The following DYNC1H1 variants were observed in gnomAD, a reference collection of about 807,000 sequenced individuals.
DYNC1H1 encodes the protein dynein cytoplasmic 1 heavy chain 1.
In DYNC1H1, 51 loss-of-function variants were observed where a neutral mutation model predicts 527.1. The ratio of observed to expected loss-of-function variants is 0.10; its 90% confidence interval spans 0.08 to 0.12. The LOEUF is 0.12. Ranked by LOEUF, DYNC1H1 falls within the 10% of genes least tolerant of loss-of-function variation. The pLI, the probability that DYNC1H1 is intolerant of heterozygous loss-of-function variation, is 1.00. For missense variants in DYNC1H1, 2,771 were observed against 5,971.8 expected, an observed-to-expected ratio of 0.46 and a Z score of 17.66; for synonymous variants, 2,189 against 2,278.8, an observed-to-expected ratio of 0.96 and a Z score of 1.12.
intron 5 of DYNC1H1, among the ~76,000 whole-genome samples, chr14:101,980,847 A>T (rs1416727231): frequency 6.6e-6 from 1 of 152,216 alleles, no homozygotes; most frequent in Non-Finnish European, 1.5e-5. Context: ...CATCTCCACG[A>T]GTCGGCTGTA....
Position 101,964,708 on chromosome 14 carries a change from G to A in DYNC1H1, c.17G>A (p.Gly6Asp). MSEPG[G>D]GGGEDGSAGL... ...CGCGACACCATGTCGGAGCCCGGGG[G>A]CGGCGGCGGCGAGGACGGCTCGGCC... Residue 6 changes from glycine to aspartate, a missense_variant, in exon 1 of 78, where the codon GGC (glycine) becomes GAC (aspartate). Physicochemically the swap from Gly to Asp is moderately conservative, Grantham distance 94. This residue lies in a region of DYNC1H1 where 101 missense variants were observed against 105.3 expected (regional missense o/e 0.96). Transcript: ENST00000360184. The surrounding 1 kb of genome is among the most constrained non-coding windows in gnomAD (Gnocchi z 5.5). 2 of 1,595,206 alleles carry A rather than the reference G, an allele frequency of 1.3e-6. No individual in the cohort carries two copies. The highest frequency in any genetic ancestry group is 1.7e-4 in the Middle Eastern group (1 of 6,028).
Position 102,048,641 on chromosome 14 carries a change from G to C in DYNC1H1, c.13344G>C (p.Leu4448Phe). The C allele has an allele frequency of 6.2e-7, 1 of 1,613,712 alleles. No homozygotes were observed. Among genetic ancestry groups the C allele is most frequent in the Non-Finnish European group, 8.5e-7 (1 of 1,180,038 alleles). The part of the protein sequence containing the change: ...CEGKKKQTNY[L>F]RTLINELVKG... The stretch of plus-strand genomic sequence containing the variant: ...GAAAGAAGAAGCAGACCAACTACTT[G>C]CGCACGCTGATCAACGAGCTAGTGA... Residue 4448 changes from leucine (L) to phenylalanine (F), a missense_variant, in exon 74 of 78, where the codon TTG becomes TTC. Leu to Phe is a conservative substitution (Grantham distance 22, BLOSUM62 0). Transcript: ENST00000360184.
At position 101,994,631 on chromosome 14, in the gene DYNC1H1, T is replaced by C. The variant is rs374128597; in HGVS notation, c.3157-42T>C. 604 of 1,611,524 alleles carry C rather than the reference T, an allele frequency of 3.7e-4. 3 individuals are homozygous for C. In the South Asian group the frequency reaches 5.1e-3, roughly 14 times the overall value. The stretch of plus-strand genomic sequence containing the variant: ...TAAGAGGTGCCAGTATTCTACAAAA[T>C]GAAAACTCAAACTATTATTTAACTG... On this transcript the variant is annotated intron_variant, in intron 12 of 77. Transcript: ENST00000360184.
At position 101,965,592 on chromosome 14, in the gene DYNC1H1, A is replaced by G. The variant is rs2047657947; in HGVS notation, c.256+645A>G. ...CACTGTTGTAGGTGGATGCTCTCAC[A>G]GCATCCTTGCTGAACGGGTGTATCC... On this transcript the variant is annotated intron_variant, in intron 1 of 77. Transcript: ENST00000360184. The surrounding 1 kb of genome is among the most constrained non-coding windows in gnomAD (Gnocchi z 4.1). 6.6e-6 allele frequency among the ~76,000 whole-genome samples: 1 copy of G among 152,076 alleles called. No homozygotes were observed. The highest frequency in any genetic ancestry group is 1.5e-5 in the Non-Finnish European group (1 of 68,014).
Position 102,016,145 on chromosome 14 carries a change from G to T in DYNC1H1, c.7473+59G>T. 1 of 1,551,790 alleles carries T rather than the reference G, an allele frequency of 6.4e-7. No homozygotes were observed. On this transcript the variant is annotated intron_variant, in intron 36 of 77. Transcript: ENST00000360184. This position sits in a 1 kb window ranked among gnomAD's most constrained non-coding sequence, Gnocchi z 7.3. Reference sequence around the variant, plus strand: ...CACTGCGCCAGACCACAGGTCTGAGGACCTCTGAAATGCTGCACCTGTGGG... The same window carrying T: ...CACTGCGCCAGACCACAGGTCTGAGTACCTCTGAAATGCTGCACCTGTGGG...
Position 102,018,402 on chromosome 14 carries a change from T to C in DYNC1H1, c.8178-49T>C, listed in dbSNP as rs764440114. 1.1e-5 allele frequency: 18 copies of C among 1,602,976 alleles called. No individual in the cohort carries two copies. The highest frequency in any genetic ancestry group is 1.1e-4 in the South Asian group (10 of 90,252). On this transcript the variant is annotated intron_variant, in intron 40 of 77. Coordinates refer to ENST00000360184, the MANE Select transcript of DYNC1H1 (RefSeq NM_001376.5). The surrounding 1 kb of genome is among the most constrained non-coding windows in gnomAD (Gnocchi z 5.2). ...ACTCCACTGGCACACTGCCCCTTCC[T>C]GGGAGGCGCTGTCAGGGAGGGGCGC...
chr14:102,013,198 G>A (rs1328242304), intron 34 of DYNC1H1, among the ~76,000 whole-genome samples: 3 of 139,552 alleles, frequency 2.1e-5, no homozygotes, highest in East Asian at 4.3e-4. Flanking sequence ...GCAGTGAGCC[G>A]AGATCGCGCC....
intron 4 of DYNC1H1, 152 bp from the exon 5 acceptor site, chr14:101,980,212 C>G: frequency 8.8e-7 from 1 of 1,141,490 alleles, no homozygotes; most frequent in East Asian, 2.5e-5. Flanking sequence ...AGTCGTATAC[C>G]TTTGATTTCA....
chr14:101,986,993 A>G lies in DYNC1H1; in HGVS notation c.2538+230A>G, dbSNP rs2749890. Among the ~76,000 whole-genome samples, 31,570 of 152,182 alleles carry G rather than the reference A, an allele frequency of 0.21. 4,583 individuals are homozygous for G. Among genetic ancestry groups the G allele is most frequent in the African/African-American group, 0.41 (16,900 of 41,470 alleles). ...TGAGTTTAGAAACAGGTGGAGAGCT[A>G]AAGGACACAGGAGTCCAACAGAGAG... On this transcript the variant is annotated intron_variant, in intron 8 of 77. Coordinates refer to ENST00000360184, the MANE Select transcript of DYNC1H1 (RefSeq NM_001376.5). This position sits in a 1 kb window ranked among gnomAD's most constrained non-coding sequence, Gnocchi z 8.7.
Position 101,997,267 on chromosome 14 carries a change from C to T in DYNC1H1, c.3797C>T (p.Pro1266Leu). ...DLLTDWEKTK[P>L]VTGNLRPEEA... Reference sequence around the variant, plus strand: ...CTGACTGACTGGGAGAAGACCAAGCCTGTCACGGTGAGTCCCGCCAGGTGG... The same window carrying T: ...CTGACTGACTGGGAGAAGACCAAGCTTGTCACGGTGAGTCCCGCCAGGTGG... The change falls in exon 16 of 78, where the codon CCT becomes CTT. Residue 1266 changes from proline to leucine, a missense_variant. Transcript: ENST00000360184. This position sits in a 1 kb window ranked among gnomAD's most constrained non-coding sequence, Gnocchi z 4.8. 6.2e-7 allele frequency: 1 copy of T among 1,614,150 alleles called. No homozygotes were observed. The highest frequency in any genetic ancestry group is 8.5e-7 in the Non-Finnish European group (1 of 1,180,024).
rs376608392 is a variant in DYNC1H1, at chr14:102,049,452, G to A, written c.13385G>A (p.Arg4462Gln). Reference sequence around the variant, plus strand: ...GCCTTGGCTGCAGGGATCTTGCCTCGGAGCTGGTCCCACTACACGGTGCCT... The same window carrying A: ...GCCTTGGCTGCAGGGATCTTGCCTCAGAGCTGGTCCCACTACACGGTGCCT... ...INELVKGILP[R>Q]SWSHYTVPAG... is the part of the protein sequence containing the mutation. Residue 4462 changes from arginine to glutamine, a missense_variant, in exon 75 of 78, where the codon CGG becomes CAG. Arg to Gln is a conservative substitution (Grantham distance 43, BLOSUM62 1). Coordinates refer to ENST00000360184, the MANE Select transcript of DYNC1H1 (RefSeq NM_001376.5). This position sits in a 1 kb window ranked among gnomAD's most constrained non-coding sequence, Gnocchi z 5.5. The A allele has an allele frequency of 1.3e-4, 214 of 1,614,022 alleles. 1 individual carries two copies. The highest frequency in any genetic ancestry group is 2.3e-4 in the African/African-American group (17 of 74,928).
intron 1 of DYNC1H1, among the ~76,000 whole-genome samples, chr14:101,967,566 G>C (rs1469527000): frequency 2.6e-5 from 4 of 152,186 alleles, no homozygotes; most frequent in African/African-American, 9.7e-5. Context: ...TGAGCTGGGT[G>C]CGGTGGCTCA....
At chr14:102,047,494 G>A (rs17541636) in intron 72 of DYNC1H1, among the ~76,000 whole-genome samples, 33 of 151,636 alleles carry the variant, frequency 2.2e-4, no homozygotes, top group Non-Finnish European at 4.0e-4. Flanking sequence ...CCAAGGTCAC[G>A]CCACTGCACT....
At chr14:102,028,214 T>C in intron 48 of DYNC1H1, 73 bp downstream of exon 48, 1 of 1,568,684 alleles carries the variant, frequency 6.4e-7, no homozygotes, top group Non-Finnish European at 8.7e-7. Context: ...TAAATTGCTA[T>C]AAAAATAGAC....
At position 101,979,542 on chromosome 14, in the gene DYNC1H1, G is replaced by A; in HGVS notation, c.518+50G>A. The A allele has an allele frequency of 6.2e-7, 1 of 1,613,022 alleles. No homozygotes were observed. ...TATTTCACTTAATGTTCACAAGATA[G>A]TATAGAACTCGGTGTAAAACTTGGG... On this transcript the variant is annotated intron_variant, in intron 3 of 77. Transcript: ENST00000360184. This position sits in a 1 kb window ranked among gnomAD's most constrained non-coding sequence, Gnocchi z 4.6.
At chr14:101,984,470 T>TTTTTTTTTG in intron 7 of DYNC1H1, among the ~76,000 whole-genome samples, 1 of 137,178 alleles carries the variant, frequency 7.3e-6, no homozygotes, top group African/African-American at 2.8e-5. Context: ...TTTTTTTTTT[T>TTTTTTTTTG]TTGAGACTGA....
rs773538369 is a variant in DYNC1H1, at chr14:101,964,665, C to T, written c.-27C>T. 6.4e-7 allele frequency: 1 copy of T among 1,572,914 alleles called. No homozygotes were observed. Among genetic ancestry groups the T allele is most frequent in the Non-Finnish European group, 8.6e-7 (1 of 1,165,612 alleles). On this transcript the variant is annotated 5_prime_UTR_variant, in exon 1 of 78. Coordinates refer to ENST00000360184, the MANE Select transcript of DYNC1H1 (RefSeq NM_001376.5). The surrounding 1 kb of genome is among the most constrained non-coding windows in gnomAD (Gnocchi z 5.5). The stretch of plus-strand genomic sequence containing the variant: ...CTGAGTCGCGGCCGCCTTCTCATCG[C>T]TCCTGGAAGGTCCCGAGCGCGACAC...
At position 102,049,130 on chromosome 14, in the gene DYNC1H1, A is replaced by G. The variant is rs2048768726; in HGVS notation, c.13373-310A>G. ...CCCTAATTGCCAGGAACACTGAGCC[A>G]CTTGTGTGACATGAGGTTTTAGCCG... On this transcript the variant is annotated intron_variant, in intron 74 of 77. Transcript: ENST00000360184. This position sits in a 1 kb window ranked among gnomAD's most constrained non-coding sequence, Gnocchi z 5.5. 6.5e-6 allele frequency: 3 copies of G among 464,788 alleles called. No homozygotes were observed. The East Asian group carries it at 1.3e-4, about 20-fold the overall frequency. The allele number at this position is 464,788 out of a possible 1,614,324, so 28.8% of individuals were successfully genotyped here.
At position 102,004,795 on chromosome 14, in the gene DYNC1H1, C is replaced by T. The variant is rs1442055313; in HGVS notation, c.5083C>T (p.His1695Tyr). ...MFKTPVSITEHPKINEWLTLV... is the reference protein window; with the variant it reads ...MFKTPVSITEYPKINEWLTLV... ...TAAAACTCCTGTGTCAATTACTGAA[C>T]ATCCCAAAATCAATGAGTGGCTCAC... Residue 1695 changes from histidine (H) to tyrosine (Y), a missense_variant, in exon 25 of 78, where the codon CAT becomes TAT. By Grantham distance (83) the His-to-Tyr change is moderately conservative. Coordinates refer to ENST00000360184, the MANE Select transcript of DYNC1H1 (RefSeq NM_001376.5). The T allele has an allele frequency of 1.9e-6, 3 of 1,614,170 alleles. No individual in the cohort carries two copies. Among genetic ancestry groups the T allele is most frequent in the Admixed American group, 1.7e-5 (1 of 60,020 alleles).
Sources: allele counts gnomAD v4.1 joint callset (sites outside exome capture counted in the v4.1 genomes callset), GRCh38; gene constraint gnomAD v4.1.1; regional missense constraint gnomAD v4.1.1; non-coding constraint Gnocchi (gnomAD v3.1); transcripts MANE v1.5; gene names NCBI Gene and HGNC (gene_info 2026-07-23, HGNC 2026-07-21).